The following ZNF644 variants were observed in gnomAD, a reference collection of about 807,000 sequenced individuals.
The protein encoded by ZNF644 is zinc finger protein 644.
In ZNF644, 20 loss-of-function variants were observed where a neutral mutation model predicts 108.0. The ratio of observed to expected loss-of-function variants is 0.19; its 90% CI spans 0.13 to 0.27. ZNF644 has a LOEUF of 0.27. Ranked by LOEUF, ZNF644 falls within the 10% of genes least tolerant of loss-of-function variation. ZNF644 has a pLI of 1.00. For missense variants in ZNF644, 1,338 were observed against 1,548.9 expected (o/e 0.86, Z 2.29); for synonymous variants, 542 against 539.1 (o/e 1.01, Z -0.08).
chr1:90,955,472 G>A (rs1653664645), intron 2 of ZNF644, among the ~76,000 whole-genome samples: 1 of 152,224 alleles, frequency 6.6e-6, no homozygotes. Flanking sequence ...CTGTTGGTTA[G>A]TGTAGCCATT....
chr1:90,976,942 A>C (rs977858541), intron 2 of ZNF644, among the ~76,000 whole-genome samples: 17 of 152,198 alleles, frequency 1.1e-4, no homozygotes, highest in African/African-American at 3.6e-4. Context: ...AATTTGTAAA[A>C]ATAACTCAGA....
At chr1:91,012,097 T>C (rs1660005148) in intron 1 of ZNF644, among the ~76,000 whole-genome samples, 1 of 152,106 alleles carries the variant, frequency 6.6e-6, no homozygotes, top group Non-Finnish European at 1.5e-5. Context: ...ACCTCTCTGA[T>C]TTTGTCACTG....
chr1:91,011,073 T>C (rs532170352), intron 1 of ZNF644, among the ~76,000 whole-genome samples: 2 of 152,200 alleles, frequency 1.3e-5, no homozygotes, highest in Non-Finnish European at 2.9e-5. Flanking sequence ...AAAGCTGTTA[T>C]GTGTAAAGTC....
Position 90,915,690 on chromosome 1 carries a change from A to G in ZNF644, c.*1108T>C, listed in dbSNP as rs1648692720. On this transcript the variant is annotated 3_prime_UTR_variant, in exon 6 of 6. Coordinates refer to ENST00000337393, the MANE Select transcript of ZNF644 (RefSeq NM_201269.3). ...CAGTAATTCTGTTATGTCGGTTCTT[A>G]GCATGAGCATAGTGTTACACGATTT... The G allele has an allele frequency of 6.6e-6, 1 of 152,642 alleles. No individual in the cohort carries two copies. 9.5% of individuals were successfully genotyped at this position (152,642 alleles called of 1,614,324 possible).
intron 4 of ZNF644, among the ~76,000 whole-genome samples, chr1:90,933,301 T>C (rs1337956499): frequency 6.6e-6 from 1 of 152,192 alleles, no homozygotes; most frequent in Non-Finnish European, 1.5e-5. Flanking sequence ...TAAGCACTTC[T>C]TGGATCTCTG....
At chr1:90,955,008 A>G (rs914455334) in intron 2 of ZNF644, among the ~76,000 whole-genome samples, 3 of 152,220 alleles carry the variant, frequency 2.0e-5, no homozygotes, top group African/African-American at 7.2e-5. Context: ...TCAAGGTCAA[A>G]ATTATTCCTT....
In ZNF644 at chr1:90,915,676, TTA is replaced by T. The variant is rs1648691660; in HGVS notation, c.*1120_*1121del. 1 of 152,628 alleles carries T rather than the reference TTA, an allele frequency of 6.6e-6. No individual in the cohort carries two copies. The highest frequency in any genetic ancestry group is 2.4e-5 in the African/African-American group (1 of 41,470). The allele number at this position is 152,628 out of a possible 1,614,324, so 9.5% of individuals were successfully genotyped here. A position where few individuals can be genotyped will look rare whatever the true frequency, so the allele number is the denominator to read the frequency against. ...CAGCACATTTATTTCAGTAATTCTGTTATGTCGGTTCTTAGCATGAGCATAGT... is the reference window on the plus strand; with the variant it reads ...CAGCACATTTATTTCAGTAATTCTGTTGTCGGTTCTTAGCATGAGCATAGT... On this transcript the variant is annotated 3_prime_UTR_variant, in exon 6 of 6. Coordinates refer to ENST00000337393, the MANE Select transcript of ZNF644 (RefSeq NM_201269.3).
Position 90,938,292 on chromosome 1 carries a change from G to A in ZNF644, c.3062C>T (p.Pro1021Leu). The change falls in exon 3 of 6, where the codon CCT becomes CTT. Residue 1021 changes from proline (P) to leucine (L), a missense_variant. Physicochemically the swap from Pro to Leu is moderately conservative, Grantham distance 98. This residue lies in a region of ZNF644 where 287 missense variants were observed against 310.9 expected (regional missense o/e 0.92). Transcript: ENST00000337393. The surrounding 1 kb of genome is among the most constrained non-coding windows in gnomAD (Gnocchi z 4.2). ...QHFKRTGTGTPVKRVRKAIEK... is the reference protein window; with the variant it reads ...QHFKRTGTGTLVKRVRKAIEK... ...CTTACCTTTTCTAACTCGTTTAACA[G>A]GTGTTCCTGTGCCAGTTCTTTTGAA... The A allele has an allele frequency of 6.2e-7, 1 of 1,613,936 alleles. No homozygotes were observed. The highest frequency in any genetic ancestry group is 8.5e-7 in the Non-Finnish European group (1 of 1,179,876).
intron 1 of ZNF644, among the ~76,000 whole-genome samples, chr1:91,009,028 G>A (rs1659699496): frequency 6.6e-6 from 1 of 152,114 alleles, no homozygotes. Context: ...GAGCCCAAGA[G>A]TTCAAGACCA....
At chr1:90,918,669 T>C (rs945825261) in intron 4 of ZNF644, among the ~76,000 whole-genome samples, 2 of 152,086 alleles carry the variant, frequency 1.3e-5, no homozygotes, top group Non-Finnish European at 2.9e-5. Flanking sequence ...AATTAAAAGC[T>C]CAAGGAAAAA....
chr1:90,940,188 T>A lies in ZNF644; in HGVS notation c.1166A>T (p.Lys389Met). The change falls in exon 3 of 6, where the codon AAG becomes ATG. Residue 389 changes from lysine to methionine, a missense_variant. Around this residue, in one of 6 missense-constraint regions of ZNF644, gnomAD observed 464 missense variants for 457.9 expected, o/e 1.01. Transcript: ENST00000337393. Reference sequence around the variant, plus strand: ...CTCAGAATCACTCTCTTCACATTTCTTTTTTAAGGTATTTGAAAGAAAAGT... The same window carrying A: ...CTCAGAATCACTCTCTTCACATTTCATTTTTAAGGTATTTGAAAGAAAAGT... ...TSTFLSNTLK[K>M]KCEESDSESP... 6.2e-7 allele frequency: 1 copy of A among 1,613,996 alleles called. No individual in the cohort carries two copies.
At chr1:90,989,009 G>C (rs548882359) in intron 1 of ZNF644, among the ~76,000 whole-genome samples, 8 of 151,914 alleles carry the variant, frequency 5.3e-5, no homozygotes, top group African/African-American at 1.7e-4. Flanking sequence ...AAAGCACAGG[G>C]AACAAAAAAT....
At chr1:90,994,035 C>T (rs1399878321) in intron 1 of ZNF644, among the ~76,000 whole-genome samples, 1 of 152,208 alleles carries the variant, frequency 6.6e-6, no homozygotes, top group East Asian at 1.9e-4. Flanking sequence ...TCAGATTACC[C>T]TGTTCTCCTA....
At chr1:91,010,868 CAA>C in intron 1 of ZNF644, among the ~76,000 whole-genome samples, 1 of 152,222 alleles carries the variant, frequency 6.6e-6, no homozygotes, top group South Asian at 2.1e-4. Context: ...ACCAGACAAA[CAA>C]GACTTTTCTG....
intron 1 of ZNF644, among the ~76,000 whole-genome samples, chr1:91,010,969 T>TA (rs1398265310): frequency 6.6e-6 from 1 of 152,210 alleles, no homozygotes; most frequent in Non-Finnish European, 1.5e-5. Context: ...AACACAAACT[T>TA]GAGTGTATTT....
chr1:90,931,884 C>T (rs1021775247), intron 4 of ZNF644, among the ~76,000 whole-genome samples: 5 of 152,220 alleles, frequency 3.3e-5, no homozygotes, highest in Non-Finnish European at 7.4e-5. Flanking sequence ...TTTATTCTGG[C>T]ATCTCTCCTT....
At chr1:90,924,291 T>C (rs1649780555) in intron 4 of ZNF644, among the ~76,000 whole-genome samples, 1 of 152,188 alleles carries the variant, frequency 6.6e-6, no homozygotes, top group Non-Finnish European at 1.5e-5. Flanking sequence ...AAGTTGGACT[T>C]GTATGCCGTT....
At chr1:91,013,619 AT>A (rs995379653) in intron 1 of ZNF644, among the ~76,000 whole-genome samples, 2 of 151,924 alleles carry the variant, frequency 1.3e-5, no homozygotes, top group Non-Finnish European at 2.9e-5. Flanking sequence ...CTTCTCAAGC[AT>A]TTTCTGTTCT....
Position 91,002,915 on chromosome 1 carries a change from A to C in ZNF644, c.-18+19075T>G, listed in dbSNP as rs568730839. ...CAAAAGAAGACATTTATGCAGCCAA[A>C]AGACACATGAAAAAATGCTCATCAT... On this transcript the variant is annotated intron_variant, in intron 1 of 5. Transcript: ENST00000337393. 7.9e-5 allele frequency among the ~76,000 whole-genome samples: 12 copies of C among 152,210 alleles called. No individual in the cohort carries two copies. In the South Asian group the frequency reaches 1.0e-3, roughly 13 times the overall value.
Sources: allele counts gnomAD v4.1 joint callset (sites outside exome capture counted in the v4.1 genomes callset), GRCh38; gene constraint gnomAD v4.1.1; regional missense constraint gnomAD v4.1.1; non-coding constraint Gnocchi (gnomAD v3.1); transcripts MANE v1.5; gene names NCBI Gene and HGNC (gene_info 2026-07-23, HGNC 2026-07-21).